SLC9B2: variants seen among roughly 807,000 people sequenced by gnomAD.
SLC9B2 encodes the protein sodium/hydrogen exchanger 9B2.
A neutral mutation model predicts 52.2 loss-of-function variants in SLC9B2; 39 were observed. The ratio of observed to expected loss-of-function variants is 0.75; its 90% CI spans 0.58 to 0.98. The LOEUF (loss-of-function observed/expected upper bound fraction) is 0.98. Ranked by LOEUF, SLC9B2 falls within the 50% of genes least tolerant of loss-of-function variation. The probability of loss-of-function intolerance (pLI) is 0.00; values close to 1 mark genes in which losing one functional copy is unlikely to be tolerated. For synonymous variants in SLC9B2, 214 were observed against 227.0 expected, an observed-to-expected ratio of 0.94 and a Z score of 0.51; for missense variants, 626 against 637.5, an observed-to-expected ratio of 0.98 and a Z score of 0.19.
chr4:103,056,864 A>C (rs1348101126), intron 4 of SLC9B2, among the ~76,000 whole-genome samples: 1 of 152,238 alleles, frequency 6.6e-6, no homozygotes, highest in African/African-American at 2.4e-5. Context: ...CAAAGAAGTC[A>C]CATATCATGA....
In SLC9B2 at chr4:103,057,968, G is replaced by A. The variant is rs1213109404; in HGVS notation, c.275C>T (p.Thr92Ile). The change falls in exon 4 of 12, where the codon ACC (threonine) becomes ATC (isoleucine). Residue 92 changes from threonine (T) to isoleucine (I), a missense_variant. Physicochemically the swap from Thr to Ile is moderately conservative, Grantham distance 89. Transcript: ENST00000394785. ...TACAGCCCACAGAAGAACAATGATG[G>A]TAACTGAAATAAACCAGGAATACTA... The part of the protein sequence containing the change: ...GLLDRVITNV[T>I]IIVLLWAVVW... 3 of 1,605,182 alleles carry A rather than the reference G, an allele frequency of 1.9e-6. No individual in the cohort carries two copies. The highest frequency in any genetic ancestry group is 2.5e-6 in the Non-Finnish European group (3 of 1,178,052).
At position 103,052,514 on chromosome 4, in the gene SLC9B2, A is replaced by C. The variant is rs572465212; in HGVS notation, c.443-2132T>G. Among the ~76,000 whole-genome samples, 4 of 152,326 alleles carry C rather than the reference A, an allele frequency of 2.6e-5. No individual in the cohort carries two copies. The East Asian group carries it at 7.7e-4, about 29-fold the overall frequency. On this transcript the variant is annotated intron_variant, in intron 4 of 11. Coordinates refer to ENST00000394785, the MANE Select transcript of SLC9B2 (RefSeq NM_178833.7). Reference sequence around the variant, plus strand: ...GTATATGTCATTTTTATATATATTGATAGCTTAACAGCCAAAAATACTGCA... The same window carrying C: ...GTATATGTCATTTTTATATATATTGCTAGCTTAACAGCCAAAAATACTGCA...
intron 7 of SLC9B2, 81 bp downstream of exon 7, chr4:103,046,970 G>C (rs577876365): frequency 9.3e-4 from 1,382 of 1,480,570 alleles, no homozygotes; most frequent in Non-Finnish European, 1.1e-3. Context: ...CAATTATCAA[G>C]CAAATATGTC....
At chr4:103,038,837 G>A (rs1382608829) in intron 9 of SLC9B2, among the ~76,000 whole-genome samples, 1 of 152,068 alleles carries the variant, frequency 6.6e-6, no homozygotes, top group East Asian at 1.9e-4. Flanking sequence ...GACAAAAAAA[G>A]AGAAGCAGCT....
chr4:103,042,804 T>C (rs113652880), intron 9 of SLC9B2, among the ~76,000 whole-genome samples: 1,566 of 151,804 alleles, frequency 0.01, 28 homozygotes, highest in African/African-American at 0.036. Context: ...AAATATATAC[T>C]ATATTTTATT....
At chr4:103,047,405 T>A (rs1306729169) in intron 6 of SLC9B2, among the ~76,000 whole-genome samples, 179 bp from the exon 7 acceptor site, 2 of 152,128 alleles carry the variant, frequency 1.3e-5, no homozygotes, top group South Asian at 2.1e-4. Context: ...TTCTTTTTTT[T>A]ATTATACTTT....
At position 103,025,090 on chromosome 4, in the gene SLC9B2, G is replaced by C. The variant is rs1400669404; in HGVS notation, c.*1280C>G. Among the ~76,000 whole-genome samples, 1 of 152,196 alleles carries C rather than the reference G, an allele frequency of 6.6e-6. No individual in the cohort carries two copies. Among genetic ancestry groups the C allele is most frequent in the Non-Finnish European group, 1.5e-5 (1 of 68,044 alleles). On this transcript the variant is annotated 3_prime_UTR_variant, in exon 12 of 12. Coordinates refer to ENST00000394785, the MANE Select transcript of SLC9B2 (RefSeq NM_178833.7). Reference sequence around the variant, plus strand: ...TCCTAGGAGTGTGAATGCTTAGCTAGAGACAACACTTAGCTGCCTCACAGC... The same window carrying C: ...TCCTAGGAGTGTGAATGCTTAGCTACAGACAACACTTAGCTGCCTCACAGC...
chr4:103,057,804 G>A lies in SLC9B2; in HGVS notation c.439C>T (p.Leu147Phe), dbSNP rs751339001. The A allele has an allele frequency of 1.2e-6, 2 of 1,612,874 alleles. No homozygotes were observed. The highest frequency in any genetic ancestry group is 1.7e-6 in the Non-Finnish European group (2 of 1,179,756). The part of the protein sequence containing the change: ...LPTLPPLPSL[L>F]GMLLAGFLIR... ...ACAGGAAACATTTAGCACTTACCAA[G>A]AAGAGAAGGCAGTGGAGGCAATGTA... Residue 147 changes from leucine to phenylalanine, a missense_variant, in exon 4 of 12, where the codon CTT (leucine) becomes TTT (phenylalanine). Transcript: ENST00000394785.
chr4:103,050,628 T>C (rs923160173), intron 4 of SLC9B2, among the ~76,000 whole-genome samples: 1 of 152,236 alleles, frequency 6.6e-6, no homozygotes, highest in Non-Finnish European at 1.5e-5. Context: ...GGAGACAAGA[T>C]GCAGCATTTG....
intron 8 of SLC9B2, among the ~76,000 whole-genome samples, chr4:103,044,124 C>T (rs1743888456): frequency 6.6e-6 from 1 of 152,176 alleles, no homozygotes; most frequent in Non-Finnish European, 1.5e-5. Context: ...GGCATGCAAG[C>T]TCTGAAGGTG....
chr4:103,067,517 C>A lies in SLC9B2; in HGVS notation c.34G>T (p.Asp12Tyr). The A allele has an allele frequency of 6.2e-7, 1 of 1,613,218 alleles. No individual in the cohort carries two copies. Among genetic ancestry groups the A allele is most frequent in the South Asian group, 1.1e-5 (1 of 91,056 alleles). ...GDEDKRITYE[D>Y]SEPSTGMNYT... The stretch of plus-strand genomic sequence containing the variant: ...TTCATTCCTGTGGATGGTTCTGAAT[C>A]TTCATATGTAATTCTTTTATCTTCA... Residue 12 changes from aspartate to tyrosine, a missense_variant, in exon 2 of 12, where the codon GAT (aspartate) becomes TAT (tyrosine). Coordinates refer to ENST00000394785, the MANE Select transcript of SLC9B2 (RefSeq NM_178833.7).
intron 3 of SLC9B2, among the ~76,000 whole-genome samples, chr4:103,062,330 A>T (rs1745724301): frequency 6.6e-6 from 1 of 151,890 alleles, no homozygotes; most frequent in Non-Finnish European, 1.5e-5. Flanking sequence ...GAGGAAGGAG[A>T]ATTGCTTGAA....
chr4:103,061,410 C>CA (rs1578475349), intron 3 of SLC9B2, among the ~76,000 whole-genome samples: 1 of 151,614 alleles, frequency 6.6e-6, no homozygotes, highest in Non-Finnish European at 1.5e-5. Flanking sequence ...ATTGCAAGGA[C>CA]AAAAAACCAA....
rs1009631757 is a variant in SLC9B2 at position 103,057,900 on chromosome 4, G to C, written c.343C>G (p.Leu115Val). ...TGSECLPGGN[L>V]FGIIILFYCA... ...TAGAATAGGATTATAATTCCAAATA[G>C]GTTTCCTCCAGGAAGACATTCACTG... Residue 115 changes from leucine (L) to valine (V), a missense_variant, in exon 4 of 12, where the codon CTA (leucine) becomes GTA (valine). Physicochemically the swap from Leu to Val is conservative, Grantham distance 32 (BLOSUM62 1). Coordinates refer to ENST00000394785, the MANE Select transcript of SLC9B2 (RefSeq NM_178833.7). The C allele has an allele frequency of 6.2e-7, 1 of 1,613,852 alleles. No homozygotes were observed. Among genetic ancestry groups the C allele is most frequent in the African/African-American group, 1.3e-5 (1 of 75,000 alleles).
chr4:103,075,236 G>T (rs1219577736), intron 1 of SLC9B2, among the ~76,000 whole-genome samples: 1 of 152,012 alleles, frequency 6.6e-6, no homozygotes, highest in African/African-American at 2.4e-5. Flanking sequence ...TGCAACCTGT[G>T]CCTCCTGGGT....
At chr4:103,060,397 T>C (rs1163683740) in intron 3 of SLC9B2, among the ~76,000 whole-genome samples, 1 of 152,018 alleles carries the variant, frequency 6.6e-6, no homozygotes, top group Non-Finnish European at 1.5e-5. Flanking sequence ...TCAAATCTAT[T>C]CATTTTTAAA....
In SLC9B2 at chr4:103,048,874, A is replaced by G; in HGVS notation, c.713+19T>C. 1 of 1,611,528 alleles carries G rather than the reference A, an allele frequency of 6.2e-7. No homozygotes were observed. Among genetic ancestry groups the G allele is most frequent in the Non-Finnish European group, 8.5e-7 (1 of 1,178,976 alleles). ...AAATGTCCCTACATATTTTCATATG[A>G]CAAAGAAACAATCATTACCCCAGTA... On this transcript the variant is annotated intron_variant, in intron 6 of 11. Transcript: ENST00000394785.
rs143495574 is a variant in SLC9B2 at position 103,047,181 on chromosome 4, C to G, written c.759G>C (p.Met253Ile). 1 of 1,613,832 alleles carries G rather than the reference C, an allele frequency of 6.2e-7. No individual in the cohort carries two copies. Among genetic ancestry groups the G allele is most frequent in the Non-Finnish European group, 8.5e-7 (1 of 1,179,894 alleles). ...CATAGCCTCCTCCCTGCAAAAGGAG[C>G]ATTGAAGGCACCACAACAGCTGGAG... ...AVSPAVVVPS[M>I]LLLQGGGYGV... The change falls in exon 7 of 12, where the codon ATG (methionine) becomes ATC (isoleucine). Residue 253 changes from methionine to isoleucine, a missense_variant. By Grantham distance (10) the Met-to-Ile change is conservative (BLOSUM62 1). Transcript: ENST00000394785.
chr4:103,073,660 T>A (rs1159145632), intron 1 of SLC9B2, among the ~76,000 whole-genome samples: 1 of 152,206 alleles, frequency 6.6e-6, no homozygotes, highest in Non-Finnish European at 1.5e-5. Flanking sequence ...CATTGACTCA[T>A]GAAGGAAAAC....
Sources: allele counts gnomAD v4.1 joint callset (sites outside exome capture counted in the v4.1 genomes callset), GRCh38; gene constraint gnomAD v4.1.1; transcripts MANE v1.5; gene names NCBI Gene and HGNC (gene_info 2026-07-23, HGNC 2026-07-21).